CAMKMT: variants seen among roughly 807,000 people sequenced by gnomAD.
The protein encoded by CAMKMT is calmodulin-lysine N-methyltransferase.
Under a neutral mutation model 48.0 loss-of-function variants are expected in CAMKMT, and 53 were observed. The ratio of observed to expected loss-of-function variants is 1.10; its 90% CI spans 0.89 to 1.39. The LOEUF is 1.39. Among genes scored for constraint, CAMKMT ranks in the 40% most tolerant of loss-of-function variants. The pLI, the probability that CAMKMT is intolerant of heterozygous loss-of-function variation, is 0.00. For synonymous variants in CAMKMT, 165 were observed against 152.3 expected (o/e 1.08, Z -0.61); for missense variants, 428 against 402.7 (o/e 1.06, Z -0.54).
intron 2 of CAMKMT, among the ~76,000 whole-genome samples, chr2:44,384,231 T>G (rs1656574893): frequency 2.6e-5 from 4 of 152,202 alleles, no homozygotes; most frequent in Admixed American, 2.6e-4. Flanking sequence ...ACTAGTGATG[T>G]TGAGCATTTT....
chr2:44,372,282 G>A (rs548355083), intron 1 of CAMKMT, among the ~76,000 whole-genome samples: 1 of 152,142 alleles, frequency 6.6e-6, no homozygotes, highest in South Asian at 2.1e-4. Context: ...CCAGGAGTTT[G>A]AATCCAGCCT....
At chr2:44,610,849 A>T (rs916314539) in intron 3 of CAMKMT, among the ~76,000 whole-genome samples, 1 of 152,182 alleles carries the variant, frequency 6.6e-6, no homozygotes, top group African/African-American at 2.4e-5. Context: ...CATAGACTCA[A>T]TTTTTGAGAA....
rs925171114 is a variant in CAMKMT at position 44,492,761 on chromosome 2, C to G, written c.376+102456C>G. Among the ~76,000 whole-genome samples the G allele has an allele frequency of 2.6e-5, 4 of 151,990 alleles. No individual in the cohort carries two copies. In the East Asian group the frequency reaches 7.7e-4, roughly 29 times the overall value. Reference sequence around the variant, plus strand: ...TCATCACTCAAAATAGGACACAGTTCTTTCTAAAGATAAAGGCTTTCTCCT... The same window carrying G: ...TCATCACTCAAAATAGGACACAGTTGTTTCTAAAGATAAAGGCTTTCTCCT... On this transcript the variant is annotated intron_variant, in intron 3 of 10. Transcript: ENST00000378494.
intron 3 of CAMKMT, among the ~76,000 whole-genome samples, chr2:44,462,271 G>A (rs1009224610): frequency 6.6e-6 from 1 of 152,046 alleles, no homozygotes; most frequent in Non-Finnish European, 1.5e-5. Flanking sequence ...AATAATTTAT[G>A]TTATCACTTA....
intron 3 of CAMKMT, among the ~76,000 whole-genome samples, chr2:44,605,412 C>G (rs1671229213): frequency 6.6e-6 from 1 of 151,966 alleles, no homozygotes; most frequent in South Asian, 2.1e-4. Context: ...GTTTTGTAAA[C>G]AAGTTATCTA....
chr2:44,769,538 G>A (rs1425163737), intron 10 of CAMKMT, among the ~76,000 whole-genome samples: 1 of 152,170 alleles, frequency 6.6e-6, no homozygotes, highest in East Asian at 1.9e-4. Context: ...ATAGCAAATC[G>A]TTTTGTAAGG....
intron 7 of CAMKMT, among the ~76,000 whole-genome samples, chr2:44,742,835 GAATCAA>G (rs1679756252): frequency 6.6e-6 from 1 of 152,008 alleles, no homozygotes; most frequent in African/African-American, 2.4e-5. Context: ...TAGGTTTAAA[GAATCAA>G]AATAGAAAAT....
intron 3 of CAMKMT, among the ~76,000 whole-genome samples, chr2:44,437,735 A>G (rs1666357379): frequency 6.6e-6 from 1 of 151,092 alleles, no homozygotes; most frequent in Admixed American, 6.7e-5. Context: ...AGACCCAGCT[A>G]CTCGGGAGGT....
chr2:44,569,708 C>T (rs535243234), intron 3 of CAMKMT, among the ~76,000 whole-genome samples: 13 of 152,312 alleles, frequency 8.5e-5, no homozygotes, highest in African/African-American at 2.4e-4. Flanking sequence ...CCCTAGTCAT[C>T]GCCAATCCTC....
intron 3 of CAMKMT, among the ~76,000 whole-genome samples, chr2:44,685,074 G>A (rs897850354): frequency 1.3e-5 from 2 of 151,896 alleles, no homozygotes; most frequent in African/African-American, 4.8e-5. Context: ...ACATGCCCCC[G>A]AGAAGAAAAC....
intron 7 of CAMKMT, chr2:44,723,648 AT>A (rs1558819127): frequency 1.8e-4 from 26 of 148,274 alleles, no homozygotes; most frequent in South Asian, 1.5e-3. Flanking sequence ...AAATAAATAA[AT>A]AAATAAAATA....
rs191450674 is a variant in CAMKMT at position 44,388,440 on chromosome 2, G to A, written c.312-1801G>A. Among the ~76,000 whole-genome samples the A allele has an allele frequency of 2.4e-3, 360 of 152,126 alleles. 1 individual carries two copies. Among genetic ancestry groups the A allele is most frequent in the African/African-American group, 8.3e-3 (346 of 41,492 alleles). ...TGTTCTTTTGGATTTGCTTGCATTG[G>A]GCTTTGCCTTTCTCTGGTGCCTCCC... On this transcript the variant is annotated intron_variant, in intron 2 of 10. Coordinates refer to ENST00000378494, the MANE Select transcript of CAMKMT (RefSeq NM_024766.5).
At chr2:44,566,381 T>C (rs1668615345) in intron 3 of CAMKMT, among the ~76,000 whole-genome samples, 1 of 152,214 alleles carries the variant, frequency 6.6e-6, no homozygotes, top group South Asian at 2.1e-4. Context: ...TGGTAGCTTA[T>C]TGTTGTATTA....
At chr2:44,577,428 A>G (rs1166604804) in intron 3 of CAMKMT, among the ~76,000 whole-genome samples, 1 of 152,096 alleles carries the variant, frequency 6.6e-6, no homozygotes, top group African/African-American at 2.4e-5. Flanking sequence ...AGACCAGCCT[A>G]GGCAACATGA....
At chr2:44,428,984 T>G (rs1158370158) in intron 3 of CAMKMT, among the ~76,000 whole-genome samples, 1 of 152,192 alleles carries the variant, frequency 6.6e-6, no homozygotes, top group Non-Finnish European at 1.5e-5. Context: ...TTTGGGGGCT[T>G]TAAGAGTGCT....
chr2:44,495,103 T>A (rs986411692), intron 3 of CAMKMT, among the ~76,000 whole-genome samples: 3 of 152,230 alleles, frequency 2.0e-5, no homozygotes, highest in African/African-American at 7.2e-5. Flanking sequence ...CTCACTACTT[T>A]TTTAAAGAAA....
chr2:44,721,146 G>C (rs1332241475), intron 7 of CAMKMT, among the ~76,000 whole-genome samples: 1 of 151,786 alleles, frequency 6.6e-6, no homozygotes, highest in African/African-American at 2.4e-5. Context: ...TTTCTCTCTT[G>C]TATAATTTTA....
intron 9 of CAMKMT, among the ~76,000 whole-genome samples, chr2:44,760,467 C>T (rs1038747079): frequency 3.3e-5 from 5 of 151,838 alleles, no homozygotes; most frequent in East Asian, 1.9e-4. Context: ...AAAAATTAGC[C>T]GGGCATTATG....
intron 3 of CAMKMT, among the ~76,000 whole-genome samples, chr2:44,596,908 C>G (rs1171909928): frequency 6.6e-6 from 1 of 152,150 alleles, no homozygotes; most frequent in Non-Finnish European, 1.5e-5. Flanking sequence ...TTGCTTCAAC[C>G]TTCATGAAAT....
Sources: gnomAD v4.1 joint callset for allele counts (sites outside exome capture counted in the v4.1 genomes callset) on GRCh38, gnomAD v4.1.1 for gene constraint, MANE v1.5 for transcripts, NCBI Gene and HGNC (gene_info 2026-07-23, HGNC 2026-07-21) for gene names.